Variants in PSMD9 observed in about 807,000 individuals in gnomAD.
PSMD9 encodes 26S proteasome non-ATPase regulatory subunit 9.
Under a neutral mutation model 25.9 loss-of-function variants are expected in PSMD9, and 26 were observed. The observed-to-expected ratio is 1.00, with a 90% CI of 0.73 to 1.39. PSMD9 has a LOEUF of 1.39. PSMD9 is among the 40% of genes most tolerant of loss of function. PSMD9 has a pLI of 0.00. For missense variants in PSMD9, 303 were observed against 299.3 expected (o/e 1.01, Z -0.09); for synonymous variants, 110 against 114.5 (o/e 0.96, Z 0.25).
At chr12:121,890,401 C>T (rs1879033819) in intron 1 of PSMD9, among the ~76,000 whole-genome samples, 1 of 152,144 alleles carries the variant, frequency 6.6e-6, no homozygotes, top group South Asian at 2.1e-4. Context: ...GCATATACCA[C>T]TTGTGTTATT....
At chr12:121,892,664 GTACTC>G (rs1879120031) in intron 1 of PSMD9, among the ~76,000 whole-genome samples, 1 of 151,734 alleles carries the variant, frequency 6.6e-6, no homozygotes, top group South Asian at 2.1e-4. Flanking sequence ...TCTCGCCACT[GTACTC>G]TAGCCTGGGC....
intron 1 of PSMD9, among the ~76,000 whole-genome samples, chr12:121,890,625 G>A (rs2707064): frequency 0.036 from 5,525 of 151,892 alleles, 319 homozygotes; most frequent in African/African-American, 0.13. Flanking sequence ...GTGCCACCAC[G>A]CCCAGCTAAT....
intron 4 of PSMD9, chr12:121,910,811 G>A: frequency 2.9e-6 from 1 of 350,026 alleles, no homozygotes; most frequent in South Asian, 2.2e-5. Flanking sequence ...CACTTTAGTG[G>A]CATTAAGTAC....
rs561350130 is a variant in PSMD9 at position 121,891,401 on chromosome 12, C to A, written c.138+2407C>A. Among the ~76,000 whole-genome samples the A allele has an allele frequency of 3.4e-5, 5 of 147,404 alleles. No homozygotes were observed. The South Asian group carries it at 1.1e-3, about 32-fold the overall frequency. On this transcript the variant is annotated intron_variant, in intron 1 of 5. Transcript: ENST00000541212. ...GGATCACGAGGTCAGGAGATCGAGA[C>A]CATCCTGGCTAACACAGTGAAACCC...
intron 2 of PSMD9, among the ~76,000 whole-genome samples, chr12:121,896,006 T>C (rs1483324466): frequency 6.6e-6 from 1 of 152,190 alleles, no homozygotes; most frequent in African/African-American, 2.4e-5. Flanking sequence ...TCACATCTTA[T>C]TTATTTATTT....
At chr12:121,912,316 C>T (rs1879749267) in intron 4 of PSMD9, among the ~76,000 whole-genome samples, 1 of 152,150 alleles carries the variant, frequency 6.6e-6, no homozygotes, top group Non-Finnish European at 1.5e-5. Context: ...TAGGCGTGAG[C>T]CACCGTGCCC....
rs1879954093 is a variant in PSMD9, at chr12:121,917,541, G to A, written c.*1230G>A. 6.6e-6 allele frequency: 1 copy of A among 152,194 alleles called. No individual in the cohort carries two copies. The highest frequency in any genetic ancestry group is 1.5e-5 in the Non-Finnish European group (1 of 68,030). The allele number at this position is 152,194 out of a possible 1,614,324, so 9.4% of individuals were successfully genotyped here. On this transcript the variant is annotated 3_prime_UTR_variant, in exon 6 of 6. Coordinates refer to ENST00000541212, the MANE Select transcript of PSMD9 (RefSeq NM_002813.7). ...CCCCAGTTCTTGCACACCGCTTTCT[G>A]TTTTGGCAGTTCTGCCAGGCAAGCC...
intron 3 of PSMD9, among the ~76,000 whole-genome samples, chr12:121,900,322 G>A (rs1879354031): frequency 1.3e-5 from 2 of 152,188 alleles, no homozygotes; most frequent in Non-Finnish European, 2.9e-5. Context: ...GGCTCAGGAA[G>A]TCGAAGTTGC....
Position 121,915,960 on chromosome 12 carries a change from C to T in PSMD9, c.644+16C>T, listed in dbSNP as rs1045909255. On this transcript the variant is annotated intron_variant, in intron 5 of 5. Transcript: ENST00000541212. ...GACTGCTGGGGTAAAGTATCTGTTT[C>T]TGTTCATTCTCACTGGGGCATCATT... The T allele has an allele frequency of 6.2e-7, 1 of 1,607,352 alleles. No individual in the cohort carries two copies. The highest frequency in any genetic ancestry group is 1.3e-5 in the African/African-American group (1 of 74,736).
intron 4 of PSMD9, among the ~76,000 whole-genome samples, chr12:121,913,745 T>G (rs1312601892): frequency 6.6e-6 from 1 of 152,072 alleles, no homozygotes; most frequent in East Asian, 1.9e-4. Flanking sequence ...GCAGTCCTCC[T>G]GCCTGGGCCT....
intron 5 of PSMD9, 157 bp downstream of exon 5, chr12:121,916,101 A>G: frequency 8.7e-7 from 1 of 1,150,230 alleles, no homozygotes; most frequent in Non-Finnish European, 1.3e-6. Flanking sequence ...GAACGAGACT[A>G]CAGCTCTAGA....
At chr12:121,911,658 A>ATT in intron 4 of PSMD9, among the ~76,000 whole-genome samples, 1 of 129,668 alleles carries the variant, frequency 7.7e-6, no homozygotes, top group Non-Finnish European at 1.6e-5. Context: ...CAATATATGA[A>ATT]CTTTTTTTTT....
At chr12:121,912,868 CA>C (rs35325016) in intron 4 of PSMD9, among the ~76,000 whole-genome samples, 4,089 of 85,774 alleles carry the variant, frequency 0.048, 180 homozygotes, top group African/African-American at 0.16. Context: ...AACCCTGTCT[CA>C]AAAAAAAAAA....
chr12:121,897,074 C>A (rs1035805216), intron 2 of PSMD9, among the ~76,000 whole-genome samples: 7 of 151,984 alleles, frequency 4.6e-5, no homozygotes, highest in African/African-American at 1.7e-4. Flanking sequence ...CAAGATTTCA[C>A]TTTTCTCTGA....
chr12:121,895,147 G>C (rs1389309291), intron 2 of PSMD9, among the ~76,000 whole-genome samples: 1 of 151,864 alleles, frequency 6.6e-6, no homozygotes, highest in East Asian at 1.9e-4. Context: ...CAGGCTCCAA[G>C]TGCTCCTTCT....
intron 2 of PSMD9, among the ~76,000 whole-genome samples, chr12:121,895,230 G>A (rs1879198180): frequency 6.6e-6 from 1 of 152,010 alleles, no homozygotes; most frequent in African/African-American, 2.4e-5. Flanking sequence ...TAGTAGAGAC[G>A]AGTCTCACTA....
Position 121,900,985 on chromosome 12 carries a change from TAAAAAAAAAAAA to T in PSMD9, c.453+1151_453+1162del, listed in dbSNP as rs749082407. ...CTGGGCGACAGAGTGAGACTCTGTC[TAAAAAAAAAAAA>T]AAAAAAAAAAGGAGATGGGGTTTCG... On this transcript the variant is annotated intron_variant, in intron 3 of 5. Coordinates refer to ENST00000541212, the MANE Select transcript of PSMD9 (RefSeq NM_002813.7). 6.7e-5 allele frequency among the ~76,000 whole-genome samples: 6 copies of T among 89,484 alleles called. No homozygotes were observed. In the East Asian group the frequency reaches 1.3e-3, roughly 19 times the overall value. The allele number at this position is 89,484 out of a possible 152,430, so 58.7% of individuals were successfully genotyped here. A position where few individuals can be genotyped will look rare whatever the true frequency, so the allele number is the denominator to read the frequency against.
chr12:121,901,942 A>G (rs1053143631), intron 3 of PSMD9: 9 of 151,800 alleles, frequency 5.9e-5, no homozygotes, highest in African/African-American at 1.5e-4. Context: ...CAGCCTCCCA[A>G]AGTGCTGGGA....
chr12:121,903,598 T>TA (rs1352269878), intron 4 of PSMD9, among the ~76,000 whole-genome samples: 1 of 152,120 alleles, frequency 6.6e-6, no homozygotes, highest in Non-Finnish European at 1.5e-5. Flanking sequence ...CACCTGCTAT[T>TA]CCTTCTGTTT....
Sources: gnomAD v4.1 joint callset for allele counts (sites outside exome capture counted in the v4.1 genomes callset) on GRCh38, gnomAD v4.1.1 for gene constraint, MANE v1.5 for transcripts, NCBI Gene and HGNC (gene_info 2026-07-23, HGNC 2026-07-21) for gene names.